Variants in TTLL9 observed in about 807,000 individuals in gnomAD.
TTLL9 encodes the protein probable tubulin polyglutamylase TTLL9.
A neutral mutation model predicts 65.6 loss-of-function variants in TTLL9; 47 were observed. The ratio of observed to expected loss-of-function variants is 0.72; its 90% CI spans 0.57 to 0.91. TTLL9 has a LOEUF of 0.91. Among genes scored for constraint, TTLL9 ranks in the 40% least tolerant of loss-of-function variants. TTLL9 has a pLI of 0.00. For synonymous variants in TTLL9, 179 were observed against 204.8 expected, an observed-to-expected ratio of 0.87 and a Z score of 1.07; for missense variants, 537 against 568.8, an observed-to-expected ratio of 0.94 and a Z score of 0.57.
intron 6 of TTLL9, among the ~76,000 whole-genome samples, chr20:31,912,502 T>G (rs1212461537): frequency 3.3e-5 from 5 of 151,868 alleles, no homozygotes; most frequent in African/African-American, 1.2e-4. Flanking sequence ...GTCAGCCTGG[T>G]GGGGGCCTGA....
At chr20:31,912,603 ATG>A (rs61107814) in intron 6 of TTLL9, among the ~76,000 whole-genome samples, 22,786 of 140,794 alleles carry the variant, frequency 0.16, 1,643 homozygotes, top group East Asian at 0.3. Context: ...GTGTATGTGT[ATG>A]TGTGTGTGTG....
rs1234693813 is a variant in TTLL9 at position 31,938,866 on chromosome 20, G to T, written c.1119-276G>T. Among the ~76,000 whole-genome samples, 4 of 152,150 alleles carry T rather than the reference G, an allele frequency of 2.6e-5. No individual in the cohort carries two copies. The East Asian group carries it at 7.7e-4, about 29-fold the overall frequency. On this transcript the variant is annotated intron_variant, in intron 13 of 14. Transcript: ENST00000535842. ...CACTCCAGCCTGGGTGACAGAGAGAGACTCTGTCTCAAAACAAGAACAAAA... is the reference window on the plus strand; with the variant it reads ...CACTCCAGCCTGGGTGACAGAGAGATACTCTGTCTCAAAACAAGAACAAAA...
rs781154834 is a variant in TTLL9 at position 31,871,196 on chromosome 20, G to A, written c.69+1G>A. Reference sequence around the variant, plus strand: ...CATTAGGTGCCCCAAGAAATTACAGGTGAATGTTGGGAGAGGGGTTTGAGG... The same window carrying A: ...CATTAGGTGCCCCAAGAAATTACAGATGAATGTTGGGAGAGGGGTTTGAGG... On this transcript the variant is annotated splice_donor_variant, in intron 2 of 14. Transcript: ENST00000535842. LOFTEE classifies it high-confidence loss of function. 3 of 1,614,096 alleles carry A rather than the reference G, an allele frequency of 1.9e-6. No homozygotes were observed. The highest frequency in any genetic ancestry group is 4.5e-5 in the East Asian group (2 of 44,870).
chr20:31,915,231 C>T (rs1436452623), intron 6 of TTLL9, among the ~76,000 whole-genome samples: 2 of 152,160 alleles, frequency 1.3e-5, no homozygotes, highest in South Asian at 2.1e-4. Flanking sequence ...CCTGTAATCC[C>T]AGCACTTTGG....
intron 2 of TTLL9, among the ~76,000 whole-genome samples, chr20:31,882,601 A>G (rs1270792999): frequency 6.6e-6 from 1 of 152,156 alleles, no homozygotes; most frequent in African/African-American, 2.4e-5. Context: ...CCACTTTTGA[A>G]TCATTTTCTC....
intron 2 of TTLL9, among the ~76,000 whole-genome samples, chr20:31,873,850 AAGAAAGAAAGAAAG>A (rs1487756495): frequency 1.3e-5 from 2 of 149,478 alleles, no homozygotes; most frequent in African/African-American, 5.0e-5. Flanking sequence ...GAAAGAAAGA[AAGAAAGAAAGAAAG>A]AAAGAAAGAA....
intron 10 of TTLL9, among the ~76,000 whole-genome samples, chr20:31,931,261 A>G (rs2064004809): frequency 6.6e-6 from 1 of 151,302 alleles, no homozygotes; most frequent in Non-Finnish European, 1.5e-5. Flanking sequence ...TAAATTTTTT[A>G]TAGAGACTGG....
At chr20:31,887,286 C>T (rs1236223695) in intron 3 of TTLL9, 47 bp downstream of exon 3, 5 of 1,587,366 alleles carry the variant, frequency 3.1e-6, no homozygotes, top group Non-Finnish European at 4.3e-6. Context: ...ACCAACTTCT[C>T]TCCCTCCCTC....
At chr20:31,872,834 C>T (rs2062957312) in intron 2 of TTLL9, among the ~76,000 whole-genome samples, 4 of 152,168 alleles carry the variant, frequency 2.6e-5, no homozygotes, top group Admixed American at 2.0e-4. Flanking sequence ...GAGGGAGCTA[C>T]AGGAGGTGTT....
At chr20:31,882,259 G>A (rs1444731275) in intron 2 of TTLL9, among the ~76,000 whole-genome samples, 3 of 152,218 alleles carry the variant, frequency 2.0e-5, no homozygotes, top group East Asian at 1.9e-4. Flanking sequence ...GGGCTAAGGG[G>A]AAATGAGGAA....
chr20:31,898,671 C>A, intron 4 of TTLL9, 106 bp downstream of exon 4: 1 of 888,306 alleles, frequency 1.1e-6, no homozygotes, highest in Non-Finnish European at 1.8e-6. Flanking sequence ...GGACTTGTCC[C>A]AAAGTGGCTG....
At chr20:31,914,725 T>G (rs1470073525) in intron 6 of TTLL9, among the ~76,000 whole-genome samples, 2 of 152,050 alleles carry the variant, frequency 1.3e-5, no homozygotes, top group Admixed American at 1.3e-4. Context: ...CCTTTGAAAG[T>G]TCATCAAGGC....
At chr20:31,941,383 G>C (rs1260509874) in intron 14 of TTLL9, among the ~76,000 whole-genome samples, 1 of 152,128 alleles carries the variant, frequency 6.6e-6, no homozygotes, top group African/African-American at 2.4e-5. Context: ...ACCCCCATTT[G>C]AGTAGCAAAG....
At chr20:31,942,601 C>T (rs1256859524) in intron 14 of TTLL9, among the ~76,000 whole-genome samples, 1 of 152,174 alleles carries the variant, frequency 6.6e-6, no homozygotes, top group Non-Finnish European at 1.5e-5. Context: ...CTCTCTGAGC[C>T]TGTTTTCCCT....
chr20:31,888,989 G>A (rs1006771668), intron 3 of TTLL9, among the ~76,000 whole-genome samples: 13 of 151,226 alleles, frequency 8.6e-5, no homozygotes, highest in Admixed American at 6.6e-5. Context: ...GATTTGGAGG[G>A]GACAAACATC....
At chr20:31,939,714 C>A (rs2064173898) in intron 14 of TTLL9, 1 of 153,620 alleles carries the variant, frequency 6.5e-6, no homozygotes, top group African/African-American at 2.4e-5. Context: ...TTGGTCCAGT[C>A]CGGATGAAAT....
intron 8 of TTLL9, among the ~76,000 whole-genome samples, chr20:31,924,513 C>G (rs757128875): frequency 6.6e-6 from 1 of 152,124 alleles, no homozygotes; most frequent in South Asian, 2.1e-4. Context: ...AGTTTCAAGA[C>G]TTTCCCCCAA....
At chr20:31,925,975 TG>T in intron 9 of TTLL9, 73 bp from the exon 10 acceptor site, 1 of 1,595,172 alleles carries the variant, frequency 6.3e-7, no homozygotes, top group Admixed American at 1.8e-5. Flanking sequence ...CCTGGGATCC[TG>T]GCTAACCACC....
intron 2 of TTLL9, among the ~76,000 whole-genome samples, chr20:31,873,674 A>AAG (rs946296861): frequency 8.6e-6 from 1 of 116,404 alleles, no homozygotes; most frequent in African/African-American, 3.8e-5. Context: ...GAAAGAAAGA[A>AAG]AGAGAGAGAG....
Sources: allele counts gnomAD v4.1 joint callset (sites outside exome capture counted in the v4.1 genomes callset), GRCh38; gene constraint gnomAD v4.1.1; transcripts MANE v1.5; gene names NCBI Gene and HGNC (gene_info 2026-07-23, HGNC 2026-07-21).